HMCN1: variants seen among roughly 807,000 people sequenced by gnomAD.
HMCN1 encodes hemicentin 1, also known as hemicentin-1.
A neutral mutation model predicts 625.9 loss-of-function variants in HMCN1; 321 were observed. That is an observed-to-expected ratio of 0.51 (90% confidence interval 0.47 to 0.56). HMCN1 has a LOEUF of 0.56. Among genes scored for constraint, HMCN1 ranks in the 20% least tolerant of loss-of-function variants. The pLI is 0.00. For synonymous variants in HMCN1, 2,425 were observed against 2,417.6 expected (o/e 1.00, Z -0.09); for missense variants, 6,588 against 6,887.3 (o/e 0.96, Z 1.54).
intron 42 of HMCN1, 122 bp from the exon 43 acceptor site, chr1:186,052,830 C>G: frequency 1.2e-6 from 1 of 837,258 alleles, no homozygotes; most frequent in South Asian, 1.5e-5. Context: ...ATGTTGATGT[C>G]AACCTCATAT....
intron 82 of HMCN1, among the ~76,000 whole-genome samples, chr1:186,127,037 G>A (rs1661681877): frequency 6.6e-6 from 1 of 152,050 alleles, no homozygotes; most frequent in South Asian, 2.1e-4. Context: ...TTTGAAGCTA[G>A]CATTTTCTGG....
Position 186,171,524 on chromosome 1 carries a change from C to T in HMCN1, c.15688+74C>T, listed in dbSNP as rs1652230573. ...TAATGATGTCTGATCTAAATGCATA[C>T]ACTGTGTCTTGGTACTGGTTCCTAT... On this transcript the variant is annotated intron_variant, in intron 101 of 106. Coordinates refer to ENST00000271588, the MANE Select transcript of HMCN1 (RefSeq NM_031935.3). The T allele has an allele frequency of 7.1e-6, 8 of 1,128,200 alleles. No homozygotes were observed. The African/African-American group carries it at 7.7e-5, about 11-fold the overall frequency. The allele number at this position is 1,128,200 out of a possible 1,614,324, so 69.9% of individuals were successfully genotyped here. A position where few individuals can be genotyped will look rare whatever the true frequency, so the allele number is the denominator to read the frequency against.
intron 1 of HMCN1, among the ~76,000 whole-genome samples, chr1:185,780,879 G>T (rs1657036023): frequency 6.6e-6 from 1 of 152,182 alleles, no homozygotes; most frequent in South Asian, 2.1e-4. Context: ...AGTTAGGGAG[G>T]ATTCCCTCTT....
At chr1:185,947,745 A>G (rs1389016939) in intron 11 of HMCN1, among the ~76,000 whole-genome samples, 1 of 152,212 alleles carries the variant, frequency 6.6e-6, no homozygotes, top group East Asian at 1.9e-4. Context: ...GCCACTTAAG[A>G]GGAACTCTTT....
intron 11 of HMCN1, among the ~76,000 whole-genome samples, chr1:185,954,770 TCTCTCTCTCTA>T (rs968876958): frequency 7.9e-5 from 12 of 152,106 alleles, no homozygotes; most frequent in Non-Finnish European, 1.8e-4. Flanking sequence ...ATACCTTACT[TCTCTCTCTCTA>T]CTCTCTTTTC....
chr1:186,130,814 A>G (rs1661896247), intron 85 of HMCN1, 117 bp downstream of exon 85: 2 of 937,868 alleles, frequency 2.1e-6, no homozygotes, highest in Non-Finnish European at 3.4e-6. Flanking sequence ...TAAAATCTGA[A>G]TCAAATAACT....
chr1:185,769,804 A>T (rs147063854), intron 1 of HMCN1, among the ~76,000 whole-genome samples: 128 of 152,212 alleles, frequency 8.4e-4, no homozygotes, highest in African/African-American at 3.0e-3. Flanking sequence ...CTCAGCTGGG[A>T]TTACTTACTC....
intron 1 of HMCN1, among the ~76,000 whole-genome samples, chr1:185,793,052 T>A (rs908194005): frequency 6.6e-6 from 1 of 152,154 alleles, no homozygotes; most frequent in African/African-American, 2.4e-5. Context: ...ACCTTTTTTC[T>A]TGGTTTTGTG....
chr1:186,115,395 C>A lies in HMCN1; in HGVS notation c.11542C>A (p.Gln3848Lys). ...RKNGHLLNVD[Q>K]NQNSYRLLSS... is the part of the protein sequence containing the mutation. ...AAATGGGCATCTTCTTAATGTGGAT[C>A]AAAATCAGAACTCATACAGGTAAGG... Residue 3848 changes from glutamine to lysine, a missense_variant, in exon 75 of 107, where the codon CAA becomes AAA. Gln to Lys is a moderately conservative substitution (Grantham distance 53). Coordinates refer to ENST00000271588, the MANE Select transcript of HMCN1 (RefSeq NM_031935.3). The A allele has an allele frequency of 6.2e-7, 1 of 1,613,452 alleles. No individual in the cohort carries two copies. The highest frequency in any genetic ancestry group is 1.1e-5 in the South Asian group (1 of 91,064).
chr1:186,065,313 C>T lies in HMCN1; in HGVS notation c.7589C>T (p.Ser2530Phe). The T allele has an allele frequency of 6.2e-7, 1 of 1,612,620 alleles. No homozygotes were observed. The highest frequency in any genetic ancestry group is 8.5e-7 in the Non-Finnish European group (1 of 1,179,680). ...GAAGATGAAGCCCATCACATTATAT[C>T]TGGTGGCCGTTTTCTTCAAATTACC... ...LQEDEAHHII[S>F]GGRFLQITNV... The change falls in exon 49 of 107, where the codon TCT becomes TTT. Residue 2530 changes from serine (S) to phenylalanine (F), a missense_variant. Transcript: ENST00000271588.
chr1:186,133,447 G>A (rs929984078), intron 86 of HMCN1, among the ~76,000 whole-genome samples: 7 of 152,076 alleles, frequency 4.6e-5, no homozygotes, highest in African/African-American at 1.7e-4. Flanking sequence ...AAGAGTCATC[G>A]GAAAACAGAG....
intron 2 of HMCN1, among the ~76,000 whole-genome samples, chr1:185,849,730 A>G (rs1408236797): frequency 1.3e-5 from 2 of 152,180 alleles, no homozygotes; most frequent in Admixed American, 6.6e-5. Flanking sequence ...TTTGTAAATT[A>G]TATACTAAAT....
intron 4 of HMCN1, among the ~76,000 whole-genome samples, chr1:185,903,658 A>G (rs904028003): frequency 6.6e-6 from 1 of 151,708 alleles, no homozygotes; most frequent in Non-Finnish European, 1.5e-5. Context: ...GACCCTCTCA[A>G]AAGTCTCAAG....
chr1:185,872,809 T>G (rs1050671082), intron 4 of HMCN1, among the ~76,000 whole-genome samples: 18 of 152,166 alleles, frequency 1.2e-4, no homozygotes, highest in African/African-American at 4.1e-4. Flanking sequence ...TTCTGTAATG[T>G]GCAGTGGGAT....
chr1:185,926,906 T>TA (rs1216291319), intron 9 of HMCN1, among the ~76,000 whole-genome samples: 1 of 152,204 alleles, frequency 6.6e-6, no homozygotes, highest in Non-Finnish European at 1.5e-5. Flanking sequence ...AAAACTTTTT[T>TA]AATTATGTCC....
intron 1 of HMCN1, among the ~76,000 whole-genome samples, chr1:185,826,094 C>A (rs1028210930): frequency 1.3e-5 from 2 of 150,306 alleles, no homozygotes; most frequent in Non-Finnish European, 2.9e-5. Context: ...TATTTTGAGG[C>A]ATATACAATA....
intron 97 of HMCN1, among the ~76,000 whole-genome samples, chr1:186,156,901 G>A (rs1651061558): frequency 1.3e-5 from 2 of 152,202 alleles, no homozygotes; most frequent in South Asian, 4.1e-4. Flanking sequence ...CTGTAAACAA[G>A]TAACAAAGGG....
At chr1:185,962,282 A>G (rs1369192179) in intron 11 of HMCN1, among the ~76,000 whole-genome samples, 1 of 152,204 alleles carries the variant, frequency 6.6e-6, no homozygotes, top group African/African-American at 2.4e-5. Context: ...CATGGTAACC[A>G]GTGGAAACAC....
chr1:185,737,149 G>T (rs552063342), intron 1 of HMCN1, among the ~76,000 whole-genome samples: 14 of 148,432 alleles, frequency 9.4e-5, no homozygotes, highest in Admixed American at 5.4e-4. Context: ...TAGTTTTTTT[G>T]TTGTTGTTTA....
Sources: allele counts gnomAD v4.1 joint callset (sites outside exome capture counted in the v4.1 genomes callset), GRCh38; gene constraint gnomAD v4.1.1; transcripts MANE v1.5; gene names NCBI Gene and HGNC (gene_info 2026-07-23, HGNC 2026-07-21).